The following AKAP3 variants were observed in gnomAD, a reference collection of about 807,000 sequenced individuals.
The protein encoded by AKAP3 is A-kinase anchoring protein 3.
A neutral mutation model predicts 57.2 loss-of-function variants in AKAP3; 27 were observed. That is an observed-to-expected ratio of 0.47 (90% CI 0.35 to 0.65). The LOEUF (loss-of-function observed/expected upper bound fraction) is 0.65. Ranked by LOEUF, AKAP3 falls within the 30% of genes least tolerant of loss-of-function variation. AKAP3 has a pLI of 0.01. For missense variants in AKAP3, 959 were observed against 1,040.0 expected, an observed-to-expected ratio of 0.92 and a Z score of 1.07; for synonymous variants, 334 against 392.3, an observed-to-expected ratio of 0.85 and a Z score of 1.76.
intron 5 of AKAP3, among the ~76,000 whole-genome samples, chr12:4,622,718 G>A (rs1347280938): frequency 1.3e-5 from 2 of 152,048 alleles, no homozygotes; most frequent in African/African-American, 2.4e-5. Flanking sequence ...CATAGGAACC[G>A]GCAAAGATTT....
chr12:4,626,266 G>C (rs1945410443), intron 5 of AKAP3, among the ~76,000 whole-genome samples: 1 of 152,098 alleles, frequency 6.6e-6, no homozygotes, highest in South Asian at 2.1e-4. Context: ...CCTAAACGCA[G>C]AAAACAGAAA....
At position 4,625,450 on chromosome 12, in the gene AKAP3, T is replaced by C. The variant is rs1945400713; in HGVS notation, c.2406+1046A>G. Among the ~76,000 whole-genome samples the C allele has an allele frequency of 6.6e-6, 1 of 152,192 alleles. No individual in the cohort carries two copies. Among genetic ancestry groups the C allele is most frequent in the African/African-American group, 2.4e-5 (1 of 41,442 alleles). ...GCCTAATCTGGATGCTCTGTAATCG[T>C]GTGTTTTCCCAGTCATCAGATAAAT... On this transcript the variant is annotated intron_variant, in intron 5 of 5. Coordinates refer to ENST00000228850, the MANE Select transcript of AKAP3 (RefSeq NM_001278309.2). The surrounding 1 kb of genome is among the most constrained non-coding windows in gnomAD (Gnocchi z 5.4).
At position 4,627,106 on chromosome 12, in the gene AKAP3, C is replaced by T. The variant is rs75515830; in HGVS notation, c.1796G>A (p.Arg599Gln). 1.8e-3 allele frequency: 2,936 copies of T among 1,614,036 alleles called. 4 individuals are homozygous for T. The highest frequency in any genetic ancestry group is 2.2e-3 in the Non-Finnish European group (2,602 of 1,180,016). Residue 599 changes from arginine to glutamine, a missense_variant, in exon 5 of 6, where the codon CGG becomes CAG. Coordinates refer to ENST00000228850, the MANE Select transcript of AKAP3 (RefSeq NM_001278309.2). ...GAAAATGGTCTCACTAAGTAAGTTC[C>T]GGATGAAATTAAAGAAAACACTCCT... ...DLRSVFFNFI[R>Q]NLLSETIFKR...
chr12:4,636,613 T>G (rs1172091406), intron 4 of AKAP3, among the ~76,000 whole-genome samples: 2 of 5,630 alleles, frequency 3.6e-4, no homozygotes, highest in Non-Finnish European at 0.033. Flanking sequence ...GAATATTTAT[T>G]ATCTTTATGT....
Position 4,615,672 on chromosome 12 carries a change from G to C in AKAP3, c.*67C>G. 1 of 1,556,422 alleles carries C rather than the reference G, an allele frequency of 6.4e-7. No homozygotes were observed. The highest frequency in any genetic ancestry group is 1.4e-5 in the African/African-American group (1 of 73,760). On this transcript the variant is annotated 3_prime_UTR_variant, in exon 6 of 6. Coordinates refer to ENST00000228850, the MANE Select transcript of AKAP3 (RefSeq NM_001278309.2). Reference sequence around the variant, plus strand: ...GATATAGAGGGGGAGATGTGGAAGTGAGAAAGAAGGGCGGGGATAAGGGCC... The same window carrying C: ...GATATAGAGGGGGAGATGTGGAAGTCAGAAAGAAGGGCGGGGATAAGGGCC...
chr12:4,633,408 A>C (rs1945524316), intron 4 of AKAP3, among the ~76,000 whole-genome samples: 1 of 152,204 alleles, frequency 6.6e-6, no homozygotes. Context: ...TATATTTTTA[A>C]ACCTAAAACG....
intron 2 of AKAP3, among the ~76,000 whole-genome samples, chr12:4,644,784 G>A (rs192793806): frequency 6.6e-6 from 1 of 152,178 alleles, no homozygotes; most frequent in African/African-American, 2.4e-5. Flanking sequence ...TGAGATGGTG[G>A]ATGCCTGTAA....
chr12:4,616,025 G>T, intron 5 of AKAP3, 131 bp from the exon 6 acceptor site: 1 of 1,122,750 alleles, frequency 8.9e-7, no homozygotes, highest in Non-Finnish European at 1.3e-6. Flanking sequence ...AAAGTTTGCT[G>T]GCCTGTTTAA....
In AKAP3 at chr12:4,627,769, A is replaced by G; in HGVS notation, c.1133T>C (p.Leu378Pro). The change falls in exon 5 of 6, where the codon CTA (leucine) becomes CCA (proline). Residue 378 changes from leucine to proline, a missense_variant. By Grantham distance (98) the Leu-to-Pro change is moderately conservative (BLOSUM62 -3). Transcript: ENST00000228850. ...AAACATTACATTGTACAGCTTCCTTAGCATGGCATCCATGATATCTGTGGC... is the reference window on the plus strand; with the variant it reads ...AAACATTACATTGTACAGCTTCCTTGGCATGGCATCCATGATATCTGTGGC... ...QKATDIMDAM[L>P]RKLYNVMFAK... 1 of 1,614,190 alleles carries G rather than the reference A, an allele frequency of 6.2e-7. No individual in the cohort carries two copies.
rs1282887233 is a variant in AKAP3, at chr12:4,628,275, G to A, written c.627C>T (p.Pro209=). 1 of 1,614,020 alleles carries A rather than the reference G, an allele frequency of 6.2e-7. No individual in the cohort carries two copies. Residue 209 remains proline (P), a synonymous_variant, in exon 5 of 6, where the codon CCC becomes CCT. Coordinates refer to ENST00000228850, the MANE Select transcript of AKAP3 (RefSeq NM_001278309.2). The part of the protein sequence containing the change: ...GDRVSGSSQS[P]PNLKYKSTLK... ...AAGTGGACTTGTATTTCAAATTTGG[G>A]GGACTTTGTGATGATCCCGAGACTC...
At chr12:4,641,230 G>A (rs1945634522) in intron 3 of AKAP3, among the ~76,000 whole-genome samples, 1 of 151,938 alleles carries the variant, frequency 6.6e-6, no homozygotes, top group Non-Finnish European at 1.5e-5. Flanking sequence ...TTCCAGCCCT[G>A]CTAACATCCT....
chr12:4,624,313 TTACGTGTGTG>T (rs1945382337), intron 5 of AKAP3, among the ~76,000 whole-genome samples: 1 of 112,078 alleles, frequency 8.9e-6, no homozygotes, highest in Non-Finnish European at 1.8e-5. Context: ...ATTTGTGACT[TTACGTGTGTG>T]TGTGTGTGTG....
In AKAP3 at chr12:4,615,822, A is replaced by T; in HGVS notation, c.2479T>A (p.Tyr827Asn). 6.2e-7 allele frequency: 1 copy of T among 1,614,242 alleles called. No individual in the cohort carries two copies. The highest frequency in any genetic ancestry group is 8.5e-7 in the Non-Finnish European group (1 of 1,180,038). ...VGEVLQSVLR[Y>N]EKERQLNEAV... ...TCATTCAGCTGGCGCTCCTTCTCAT[A>T]GCGCAGCACCGACTGCAGAACCTCG... The change falls in exon 6 of 6, where the codon TAT becomes AAT. Residue 827 changes from tyrosine (Y) to asparagine (N), a missense_variant. Transcript: ENST00000228850.
In AKAP3 at chr12:4,627,341, C is replaced by T; in HGVS notation, c.1561G>A (p.Asp521Asn). The change falls in exon 5 of 6, where the codon GAC (aspartate) becomes AAC (asparagine). Residue 521 changes from aspartate to asparagine, a missense_variant. Coordinates refer to ENST00000228850, the MANE Select transcript of AKAP3 (RefSeq NM_001278309.2). ...EKPENFMYDS[D>N]SWAEDLIVSA... ...ACGATCAGGTCCTCGGCCCAGGAGTCTGAATCATACATAAAATTCTCAGGT... is the reference window on the plus strand; with the variant it reads ...ACGATCAGGTCCTCGGCCCAGGAGTTTGAATCATACATAAAATTCTCAGGT... The T allele has an allele frequency of 6.2e-7, 1 of 1,614,082 alleles. No individual in the cohort carries two copies. Among genetic ancestry groups the T allele is most frequent in the Non-Finnish European group, 8.5e-7 (1 of 1,180,024 alleles).
At position 4,628,770 on chromosome 12, in the gene AKAP3, C is replaced by G; in HGVS notation, c.132G>C (p.Trp44Cys). 1.9e-6 allele frequency: 3 copies of G among 1,612,492 alleles called. No homozygotes were observed. Among genetic ancestry groups the G allele is most frequent in the Non-Finnish European group, 8.5e-7 (1 of 1,178,662 alleles). Residue 44 changes from tryptophan (W) to cysteine (C), a missense_variant, in exon 5 of 6, where the codon TGG becomes TGC. By Grantham distance (215) the Trp-to-Cys change is radical. Transcript: ENST00000228850. The part of the protein sequence containing the change: ...TSTDPVRVLS[W>C]LRRDLEKSTA... ...TACTCTTCTCCAGGTCTCTGCGGAG[C>G]CAGCTGAGCACTCTGACAGGATCCG...
rs770694375 is a variant in AKAP3 at position 4,628,340 on chromosome 12, T to C, written c.562A>G (p.Arg188Gly). The C allele has an allele frequency of 1.2e-6, 2 of 1,614,076 alleles. No homozygotes were observed. The highest frequency in any genetic ancestry group is 1.3e-5 in the African/African-American group (1 of 74,936). ...LVNETVSACS[R>G]NAAPDKAPGS... The stretch of plus-strand genomic sequence containing the variant: ...GGAGCCTTGTCTGGGGCAGCATTCC[T>C]GGAACATGCAGAGACGGTCTCATTC... Residue 188 changes from arginine (R) to glycine (G), a missense_variant, in exon 5 of 6, where the codon AGG (arginine) becomes GGG (glycine). Physicochemically the swap from Arg to Gly is moderately radical, Grantham distance 125. Transcript: ENST00000228850.
intron 4 of AKAP3, among the ~76,000 whole-genome samples, chr12:4,629,775 T>G (rs1002607049): frequency 6.6e-6 from 1 of 152,222 alleles, no homozygotes; most frequent in South Asian, 2.1e-4. Flanking sequence ...AAGTATAGTT[T>G]CCAAAAAAAT....
At position 4,648,875 on chromosome 12, in the gene AKAP3, T is replaced by A. The variant is rs1026593880; in HGVS notation, c.-375A>T. On this transcript the variant is annotated 5_prime_UTR_variant, in exon 1 of 6. Coordinates refer to ENST00000228850, the MANE Select transcript of AKAP3 (RefSeq NM_001278309.2). Reference sequence around the variant, plus strand: ...TCACTGGTTAACTCTGAACTTCAGGTTCCTCGGCAATTAGAGATTATAAAT... The same window carrying A: ...TCACTGGTTAACTCTGAACTTCAGGATCCTCGGCAATTAGAGATTATAAAT... The A allele has an allele frequency of 5.9e-6, 3 of 505,678 alleles. No homozygotes were observed. Among genetic ancestry groups the A allele is most frequent in the Non-Finnish European group, 1.0e-5 (3 of 286,614 alleles). The allele number at this position is 505,678 out of a possible 1,614,324, so 31.3% of individuals were successfully genotyped here. A position where few individuals can be genotyped will look rare whatever the true frequency, so the allele number is the denominator to read the frequency against.
At chr12:4,647,634 G>A (rs1371184250) in intron 1 of AKAP3, among the ~76,000 whole-genome samples, 2 of 152,188 alleles carry the variant, frequency 1.3e-5, no homozygotes, top group Admixed American at 6.5e-5. Flanking sequence ...ACAGGAGTAA[G>A]CAGGTTGCTG....
Sources: gnomAD v4.1 joint callset for allele counts (sites outside exome capture counted in the v4.1 genomes callset) on GRCh38, gnomAD v4.1.1 for gene constraint, Gnocchi (gnomAD v3.1) non-coding constraint, MANE v1.5 for transcripts, NCBI Gene and HGNC (gene_info 2026-07-23, HGNC 2026-07-21) for gene names.